Variants in SUPT3H observed in about 807,000 individuals in gnomAD.
The protein encoded by SUPT3H is transcription initiation protein SPT3 homolog.
A neutral mutation model predicts 44.3 loss-of-function variants in SUPT3H; 44 were observed. The ratio of observed to expected loss-of-function variants is 0.99; its 90% CI spans 0.78 to 1.28. The LOEUF (loss-of-function observed/expected upper bound fraction) is 1.28. Ranked by LOEUF, SUPT3H falls within the 50% of genes most tolerant of loss-of-function variation. The probability of loss-of-function intolerance (pLI) is 0.00; values close to 1 mark genes in which losing one functional copy is unlikely to be tolerated. For synonymous variants in SUPT3H, 124 were observed against 125.6 expected (o/e 0.99, Z 0.09); for missense variants, 380 against 387.1 (o/e 0.98, Z 0.15).
chr6:45,099,836 G>A (rs547852899), intron 3 of SUPT3H, among the ~76,000 whole-genome samples: 1 of 152,212 alleles, frequency 6.6e-6, no homozygotes, highest in Non-Finnish European at 1.5e-5. Context: ...TTACACTTTT[G>A]TTTTCAGGAT....
intron 3 of SUPT3H, among the ~76,000 whole-genome samples, chr6:45,102,901 T>C: frequency 6.6e-6 from 1 of 150,780 alleles, no homozygotes; most frequent in Non-Finnish European, 1.5e-5. Flanking sequence ...ATCATGCCTC[T>C]GCACTCCAAC....
intron 2 of SUPT3H, among the ~76,000 whole-genome samples, chr6:45,194,783 TAC>T (rs1425185071): frequency 6.6e-6 from 1 of 152,180 alleles, no homozygotes; most frequent in Non-Finnish European, 1.5e-5. Flanking sequence ...ATATTTTTCT[TAC>T]AGTCATTTAA....
chr6:45,191,744 C>G (rs936824772), intron 2 of SUPT3H, among the ~76,000 whole-genome samples: 2 of 151,984 alleles, frequency 1.3e-5, no homozygotes, highest in African/African-American at 4.8e-5. Flanking sequence ...TAGCTACATT[C>G]AAATTTTACA....
intron 2 of SUPT3H, among the ~76,000 whole-genome samples, chr6:45,230,896 C>G (rs1363906445): frequency 1.3e-5 from 2 of 151,758 alleles, no homozygotes; most frequent in Admixed American, 1.3e-4. Flanking sequence ...TGGTCTAGAT[C>G]TCCTGACCTC....
intron 2 of SUPT3H, among the ~76,000 whole-genome samples, chr6:45,214,103 A>C (rs1467624357): frequency 6.6e-6 from 1 of 151,656 alleles, no homozygotes; most frequent in Non-Finnish European, 1.5e-5. Context: ...TGTATAAATG[A>C]GCAAACACAG....
At chr6:44,879,195 G>A (rs1777788437) in intron 10 of SUPT3H, among the ~76,000 whole-genome samples, 1 of 152,236 alleles carries the variant, frequency 6.6e-6, no homozygotes. Context: ...CTTGCTGCCA[G>A]CACAGCAGTC....
chr6:45,044,698 G>C (rs1361964625), intron 3 of SUPT3H, among the ~76,000 whole-genome samples: 1 of 152,130 alleles, frequency 6.6e-6, no homozygotes, highest in Non-Finnish European at 1.5e-5. Flanking sequence ...CTGGGTGATG[G>C]AATCAGAAAT....
chr6:45,067,529 C>G (rs1481203740), intron 3 of SUPT3H, among the ~76,000 whole-genome samples: 1 of 150,548 alleles, frequency 6.6e-6, no homozygotes, highest in Non-Finnish European at 1.5e-5. Flanking sequence ...AACAGGCAAC[C>G]AACAAAATGG....
At chr6:45,176,313 C>T (rs555149367) in intron 2 of SUPT3H, among the ~76,000 whole-genome samples, 3 of 151,856 alleles carry the variant, frequency 2.0e-5, no homozygotes, top group Non-Finnish European at 2.9e-5. Flanking sequence ...AAAGGGGTGA[C>T]GGACGCACCT....
intron 3 of SUPT3H, among the ~76,000 whole-genome samples, chr6:45,092,079 G>A (rs1025124495): frequency 6.6e-6 from 1 of 151,740 alleles, no homozygotes; most frequent in Non-Finnish European, 1.5e-5. Context: ...ATAATTGTGT[G>A]TATTTGTGTT....
intron 2 of SUPT3H, among the ~76,000 whole-genome samples, chr6:45,238,470 G>A (rs781317716): frequency 4.6e-5 from 7 of 152,158 alleles, no homozygotes; most frequent in African/African-American, 7.2e-5. Context: ...ACCCTTAGAG[G>A]AGATCCTAGT....
chr6:44,961,518 C>G (rs1776016716), intron 7 of SUPT3H, among the ~76,000 whole-genome samples: 1 of 152,112 alleles, frequency 6.6e-6, no homozygotes, highest in Non-Finnish European at 1.5e-5. Flanking sequence ...TACCATAGCA[C>G]TCTGTATATT....
At position 44,883,582 on chromosome 6, in the gene SUPT3H, C is replaced by G. The variant is rs114929950; in HGVS notation, c.912+49071G>C. Among the ~76,000 whole-genome samples the G allele has an allele frequency of 5.3e-3, 807 of 152,144 alleles. 5 individuals carry two copies. The highest frequency in any genetic ancestry group is 0.018 in the African/African-American group (753 of 41,520). ...CTCATATAGCTAAGACAGTCCTAAG[C>G]AAAAAGAACAAAGCTAGAGGTATCA... On this transcript the variant is annotated intron_variant, in intron 10 of 10. Coordinates refer to ENST00000371459, the MANE Select transcript of SUPT3H (RefSeq NM_003599.4).
chr6:44,893,685 T>G (rs1437167331), intron 10 of SUPT3H, among the ~76,000 whole-genome samples: 1 of 150,308 alleles, frequency 6.7e-6, no homozygotes, highest in African/African-American at 2.4e-5. Context: ...TAAACATATG[T>G]GTGCATGTGT....
At chr6:45,047,454 T>C (rs1045910740) in intron 3 of SUPT3H, among the ~76,000 whole-genome samples, 1 of 152,062 alleles carries the variant, frequency 6.6e-6, no homozygotes, top group African/African-American at 2.4e-5. Flanking sequence ...GAGAATAACA[T>C]ACAAAATAAG....
intron 2 of SUPT3H, 32 bp downstream of exon 2, chr6:45,365,169 G>C (rs572447009): frequency 7.9e-7 from 1 of 1,270,286 alleles, no homozygotes; most frequent in East Asian, 2.4e-5. Flanking sequence ...ATTTAAAATA[G>C]TAATAGCAAT....
chr6:45,137,892 T>C (rs1483255415), intron 2 of SUPT3H, among the ~76,000 whole-genome samples: 1 of 151,960 alleles, frequency 6.6e-6, no homozygotes, highest in Non-Finnish European at 1.5e-5. Context: ...GAAAAACTTT[T>C]TCATTTCAAA....
chr6:45,298,550 C>T (rs1396024235), intron 2 of SUPT3H, among the ~76,000 whole-genome samples: 2 of 150,546 alleles, frequency 1.3e-5, no homozygotes, highest in Admixed American at 1.3e-4. Flanking sequence ...GGAGTCAGGA[C>T]GGTCTCGATC....
intron 2 of SUPT3H, among the ~76,000 whole-genome samples, chr6:45,231,845 T>C (rs1447121993): frequency 6.6e-6 from 1 of 152,092 alleles, no homozygotes; most frequent in East Asian, 1.9e-4. Flanking sequence ...AAGTTGAGAG[T>C]CTCTCTTCTG....
Sources: allele counts gnomAD v4.1 joint callset (sites outside exome capture counted in the v4.1 genomes callset), GRCh38; gene constraint gnomAD v4.1.1; transcripts MANE v1.5; gene names NCBI Gene and HGNC (gene_info 2026-07-23, HGNC 2026-07-21).